Variants in RPH3AL observed in about 807,000 individuals in gnomAD.
RPH3AL encodes the protein rab effector Noc2.
RPH3AL carries 38 observed loss-of-function variants against 43.1 expected under a neutral mutation model. The ratio of observed to expected loss-of-function variants is 0.88; its 90% CI spans 0.68 to 1.15. The LOEUF (loss-of-function observed/expected upper bound fraction) is 1.15. Ranked by LOEUF, RPH3AL falls within the 50% of genes most tolerant of loss-of-function variation. The probability of loss-of-function intolerance (pLI) is 0.00; values close to 1 mark genes in which losing one functional copy is unlikely to be tolerated. For synonymous variants in RPH3AL, 189 were observed against 176.3 expected (o/e 1.07, Z -0.57); for missense variants, 462 against 423.2 (o/e 1.09, Z -0.81).
At chr17:298,948 ACTCACGCTG>A (rs2043250500) in intron 5 of RPH3AL, among the ~76,000 whole-genome samples, 1 of 151,846 alleles carries the variant, frequency 6.6e-6, no homozygotes, top group South Asian at 2.1e-4. Context: ...TGGGGATTTC[ACTCACGCTG>A]CTCAAGTCAG....
Position 321,284 on chromosome 17 carries a change from T to C in RPH3AL, c.209A>G (p.Gln70Arg). The change falls in exon 4 of 10, where the codon CAG (glutamine) becomes CGG (arginine). Residue 70 changes from glutamine (Q) to arginine (R), a missense_variant. Gln to Arg is a conservative substitution (Grantham distance 43). Coordinates refer to ENST00000331302, the MANE Select transcript of RPH3AL (RefSeq NM_006987.4). ...GGCCCCGCCTCACCCGATTCTCTGC[T>C]GCTCCAGGACGTCGAGCCGCTCTGC... Reference protein sequence around the residue: ...QRAERLDVLEQQRIGRLVERL... With the variant: ...QRAERLDVLERQRIGRLVERL... 6.2e-7 allele frequency: 1 copy of C among 1,608,326 alleles called. No individual in the cohort carries two copies. The highest frequency in any genetic ancestry group is 8.5e-7 in the Non-Finnish European group (1 of 1,179,620).
Position 215,720 on chromosome 17 carries a change from A to G in RPH3AL, c.810T>C (p.Gly270=). The part of the protein sequence containing the change: ...LSGCQSSLAS[G]ETGTGSADPP... ...GGTCAGCAGAGCCTGTCCCCGTCTC[A>G]CCACTGGCCAGGCTGCTCTGGCACC... The change falls in exon 9 of 10, where the codon GGT becomes GGC. Residue 270 remains glycine (G), a synonymous_variant. Coordinates refer to ENST00000331302, the MANE Select transcript of RPH3AL (RefSeq NM_006987.4). The surrounding 1 kb of genome is among the most constrained non-coding windows in gnomAD (Gnocchi z 4.1). 1 of 1,295,648 alleles carries G rather than the reference A, an allele frequency of 7.7e-7. No individual in the cohort carries two copies. The highest frequency in any genetic ancestry group is 9.8e-7 in the Non-Finnish European group (1 of 1,017,806). 80.3% of individuals were successfully genotyped at this position (1,295,648 alleles called of 1,614,324 possible).
At chr17:216,578 G>A (rs1413732609) in intron 8 of RPH3AL, among the ~76,000 whole-genome samples, 6 of 149,724 alleles carry the variant, frequency 4.0e-5, no homozygotes, top group East Asian at 2.0e-4. Context: ...GGTGTGGAGC[G>A]AGGGGACAAG....
intron 5 of RPH3AL, among the ~76,000 whole-genome samples, chr17:291,602 A>C (rs538857634): frequency 2.6e-5 from 4 of 152,290 alleles, no homozygotes; most frequent in East Asian, 3.9e-4. Context: ...GCATAATGAG[A>C]GCCTCCACGT....
intron 1 of RPH3AL, among the ~76,000 whole-genome samples, chr17:336,255 A>G (rs2044950607): frequency 6.6e-6 from 1 of 152,210 alleles, no homozygotes; most frequent in African/African-American, 2.4e-5. Flanking sequence ...GTGAGCCCAG[A>G]CGTCAACATT....
chr17:342,383 T>A (rs970999497), intron 1 of RPH3AL, among the ~76,000 whole-genome samples: 1 of 152,228 alleles, frequency 6.6e-6, no homozygotes, highest in Non-Finnish European at 1.5e-5. Context: ...TGAAAGCAAG[T>A]GTTCAAATTA....
chr17:327,343 A>C, intron 3 of RPH3AL, 124 bp downstream of exon 3: 1 of 827,252 alleles, frequency 1.2e-6, no homozygotes, highest in Middle Eastern at 2.3e-4. Context: ...TGTGGCATGC[A>C]TCCGACAGGC....
chr17:230,404 G>A (rs148635605), intron 7 of RPH3AL, among the ~76,000 whole-genome samples: 4 of 152,296 alleles, frequency 2.6e-5, no homozygotes, highest in Middle Eastern at 3.4e-3. Flanking sequence ...CGCGAAGTGC[G>A]GGGGACCATT....
At chr17:318,383 G>T (rs999771414) in intron 5 of RPH3AL, among the ~76,000 whole-genome samples, 3 of 151,626 alleles carry the variant, frequency 2.0e-5, no homozygotes, top group Non-Finnish European at 4.4e-5. Context: ...CTCCGTCTCT[G>T]GGGGTGGAAA....
chr17:296,682 G>A lies in RPH3AL; in HGVS notation c.352-14828C>T, dbSNP rs531130042. Among the ~76,000 whole-genome samples, 41 of 152,304 alleles carry A rather than the reference G, an allele frequency of 2.7e-4. No individual in the cohort carries two copies. The South Asian group carries it at 3.5e-3, about 13-fold the overall frequency. ...GGGGCTGTGGGGGCAGTCAGAACCC[G>A]CAGGGCCCAAAGACGGGCTGTTCAA... On this transcript the variant is annotated intron_variant, in intron 5 of 9. Coordinates refer to ENST00000331302, the MANE Select transcript of RPH3AL (RefSeq NM_006987.4).
chr17:294,149 C>T (rs1248847099), intron 5 of RPH3AL, among the ~76,000 whole-genome samples: 1 of 152,154 alleles, frequency 6.6e-6, no homozygotes, highest in Admixed American at 6.5e-5. Context: ...GTGGAGGACA[C>T]AGTGGTGCCA....
chr17:316,143 G>A (rs1347318570), intron 5 of RPH3AL, among the ~76,000 whole-genome samples: 1 of 108,170 alleles, frequency 9.2e-6, no homozygotes, highest in Non-Finnish European at 2.0e-5. Context: ...CAGTCCCTGT[G>A]CTCCACCTCC....
In RPH3AL at chr17:215,077, A is replaced by C. The variant is rs1187634681; in HGVS notation, c.876+577T>G. 1.3e-5 allele frequency among the ~76,000 whole-genome samples: 2 copies of C among 152,168 alleles called. No individual in the cohort carries two copies. The highest frequency in any genetic ancestry group is 2.1e-4 in the South Asian group (1 of 4,830). ...CGGAGATCAGCTGCTGCCCTGGTGC[A>C]TGCGTGTACCCATGAATCCTCTGGC... On this transcript the variant is annotated intron_variant, in intron 9 of 9. Coordinates refer to ENST00000331302, the MANE Select transcript of RPH3AL (RefSeq NM_006987.4). The surrounding 1 kb of genome is among the most constrained non-coding windows in gnomAD (Gnocchi z 4.1).
intron 7 of RPH3AL, among the ~76,000 whole-genome samples, chr17:223,896 G>A (rs912709837): frequency 9.2e-5 from 14 of 152,142 alleles, no homozygotes; most frequent in East Asian, 1.9e-4. Context: ...CACAGTGGGC[G>A]TGCCCCCAAC....
At chr17:217,198 A>G (rs373527286) in intron 8 of RPH3AL, among the ~76,000 whole-genome samples, 44 of 139,438 alleles carry the variant, frequency 3.2e-4, no homozygotes, top group East Asian at 1.1e-3. Context: ...GGCCTCACTG[A>G]AATCAGGACC....
Position 219,526 on chromosome 17 carries a change from CTTTTTT to C in RPH3AL, c.727+91_727+96del, listed in dbSNP as rs375837087. ...AGTTTCATTTCTTTTCTTTTTCTTCCTTTTTTTTTTTTTTTTGAGATGGAGTTTCGC... is the reference window on the plus strand; with the variant it reads ...AGTTTCATTTCTTTTCTTTTTCTTCCTTTTTTTTTTGAGATGGAGTTTCGC... On this transcript the variant is annotated intron_variant, in intron 8 of 9. Transcript: ENST00000331302. 54 of 144,944 alleles carry C rather than the reference CTTTTTT, an allele frequency of 3.7e-4. 8 individuals carry two copies. The Middle Eastern group carries it at 6.1e-3, about 16-fold the overall frequency. 9.0% of individuals were successfully genotyped at this position (144,944 alleles called of 1,614,324 possible).
intron 7 of RPH3AL, among the ~76,000 whole-genome samples, chr17:222,267 G>A (rs975272654): frequency 3.9e-5 from 6 of 152,268 alleles, no homozygotes; most frequent in Admixed American, 6.5e-5. Context: ...ACGGGGGCAC[G>A]TGCCCAAGTT....
In RPH3AL at chr17:219,192, C is replaced by CTTTTTTTTTTTTTTTTT. The variant is rs796389217; in HGVS notation, c.727+414_727+430dup. On this transcript the variant is annotated intron_variant, in intron 8 of 9. Transcript: ENST00000331302. ...CCTGGGGCTTTGGAAATAAACAGCA[C>CTTTTTTTTTTTTTTTTT]TTTTTTTTTTTTTTTTTTTTTTTTT... is the stretch of plus-strand genomic sequence containing the variant. Among the ~76,000 whole-genome samples, 7 of 58,018 alleles carry CTTTTTTTTTTTTTTTTT rather than the reference C, an allele frequency of 1.2e-4. 1 individual carries two copies. The highest frequency in any genetic ancestry group is 3.1e-4 in the African/African-American group (4 of 12,774). The allele number at this position is 58,018 out of a possible 152,430, so 38.1% of individuals were successfully genotyped here. A position where few individuals can be genotyped will look rare whatever the true frequency, so the allele number is the denominator to read the frequency against.
At chr17:239,540 C>T (rs377055648) in intron 7 of RPH3AL, among the ~76,000 whole-genome samples, 1 of 152,182 alleles carries the variant, frequency 6.6e-6, no homozygotes, top group African/African-American at 2.4e-5. Context: ...AATACTATAT[C>T]GTTCTTACTG....
Sources: allele counts gnomAD v4.1 joint callset (sites outside exome capture counted in the v4.1 genomes callset), GRCh38; gene constraint gnomAD v4.1.1; non-coding constraint Gnocchi (gnomAD v3.1); transcripts MANE v1.5; gene names NCBI Gene and HGNC (gene_info 2026-07-23, HGNC 2026-07-21).